Variants in ENOX2 observed in about 807,000 individuals in gnomAD.
ENOX2 encodes the protein ecto-NOX disulfide-thiol exchanger 2, also known as APK1 antigen.
In ENOX2, 36 loss-of-function variants were observed where a neutral mutation model predicts 45.0. That is an observed-to-expected ratio of 0.80 (90% CI 0.61 to 1.06). The LOEUF is 1.06. Ranked by LOEUF, ENOX2 falls within the 50% of genes least tolerant of loss-of-function variation. The pLI is 0.00. For synonymous variants in ENOX2, 174 were observed against 152.3 expected, an observed-to-expected ratio of 1.14 and a Z score of -1.05; for missense variants, 423 against 462.5, an observed-to-expected ratio of 0.91 and a Z score of 0.78.
intron 3 of ENOX2, among the ~76,000 whole-genome samples, chrX:130,722,276 C>T (rs1427205997): frequency 5.4e-5 from 6 of 111,785 alleles, no homozygotes. Flanking sequence ...CCTTGCTTCC[C>T]CAGGGGCAGC....
At chrX:130,701,306 TG>T (rs770563754) in intron 4 of ENOX2, among the ~76,000 whole-genome samples, 2 of 110,585 alleles carry the variant, frequency 1.8e-5, no homozygotes, top group African/African-American at 6.6e-5. Flanking sequence ...ATAAGTGTTG[TG>T]ACTCAGGGAC....
chrX:130,646,093 G>A, intron 10 of ENOX2: 1 of 542,403 alleles, frequency 1.8e-6, no homozygotes, highest in Non-Finnish European at 3.4e-6. Flanking sequence ...CCAAATGGCT[G>A]CTGAGTACTG....
chrX:130,876,066 T>C (rs971742020), intron 2 of ENOX2, among the ~76,000 whole-genome samples: 4 of 111,595 alleles, frequency 3.6e-5, no homozygotes, highest in Non-Finnish European at 7.5e-5. Flanking sequence ...AGGTTAAACA[T>C]AGAGTTACCA....
rs141672813 is a variant in ENOX2, at chrX:130,902,032, G to A, written c.-230-301C>T. Among the ~76,000 whole-genome samples, 1,021 of 111,103 alleles carry A rather than the reference G, an allele frequency of 9.2e-3. 12 individuals are homozygous for A. Among genetic ancestry groups the A allele is most frequent in the African/African-American group, 0.031 (960 of 30,509 alleles). ...ATCCCCTGTACTCTGCTGGAGCCCA[G>A]ATTAAAATTCACCTCCTTCACAAAG... On this transcript the variant is annotated intron_variant, in intron 1 of 14. Transcript: ENST00000394363.
intron 1 of ENOX2, among the ~76,000 whole-genome samples, chrX:130,902,044 C>T (rs2079150737): frequency 9.0e-6 from 1 of 111,273 alleles, no homozygotes; most frequent in Non-Finnish European, 1.9e-5. Flanking sequence ...TTAAAATTCA[C>T]CTCCTTCACA....
chrX:130,628,414 G>A (rs893784268), intron 13 of ENOX2, among the ~76,000 whole-genome samples: 1 of 112,347 alleles, frequency 8.9e-6, no homozygotes, highest in African/African-American at 3.2e-5. Flanking sequence ...GCTAAACACT[G>A]TCTGAATTCA....
intron 3 of ENOX2, among the ~76,000 whole-genome samples, chrX:130,779,829 C>CAT (rs200333370): frequency 6.3e-4 from 69 of 110,113 alleles, no homozygotes; most frequent in African/African-American, 8.2e-4. Flanking sequence ...AAAGCTAAGG[C>CAT]ATATATATAT....
At chrX:130,689,634 C>T (rs779343050) in intron 4 of ENOX2, among the ~76,000 whole-genome samples, 2 of 111,862 alleles carry the variant, frequency 1.8e-5, no homozygotes, top group Non-Finnish European at 3.8e-5. Flanking sequence ...TTTGGGCCTC[C>T]GCAAATTCTC....
chrX:130,653,554 C>G (rs1011708237), intron 10 of ENOX2, among the ~76,000 whole-genome samples: 17 of 111,468 alleles, frequency 1.5e-4, no homozygotes, highest in African/African-American at 5.2e-4. Flanking sequence ...TTCCTATCAT[C>G]TAAATCTGTT....
chrX:130,831,689 C>T (rs2077833017), intron 2 of ENOX2, among the ~76,000 whole-genome samples: 2 of 111,894 alleles, frequency 1.8e-5, no homozygotes, highest in African/African-American at 6.5e-5. Context: ...TATTTTTACT[C>T]ATCCATAGCT....
chrX:130,822,092 G>T (rs1157587086), intron 2 of ENOX2, among the ~76,000 whole-genome samples: 1 of 98,904 alleles, frequency 1.0e-5, no homozygotes, highest in African/African-American at 3.7e-5. Flanking sequence ...AAAAAAAAAA[G>T]AGAGAGAATA....
chrX:130,759,246 G>C, intron 3 of ENOX2, among the ~76,000 whole-genome samples: 1 of 110,921 alleles, frequency 9.0e-6, no homozygotes, highest in Non-Finnish European at 1.9e-5. Flanking sequence ...GGTTTAGATT[G>C]AGGTTCATTA....
At chrX:130,795,776 G>C (rs2077114168) in intron 2 of ENOX2, among the ~76,000 whole-genome samples, 1 of 111,508 alleles carries the variant, frequency 9.0e-6, no homozygotes, top group East Asian at 2.8e-4. Context: ...TCATGTCTAT[G>C]TGCTTCTGCA....
intron 2 of ENOX2, among the ~76,000 whole-genome samples, chrX:130,818,969 A>G (rs1389232777): frequency 8.9e-6 from 1 of 112,222 alleles, no homozygotes; most frequent in African/African-American, 3.2e-5. Context: ...TTTGCAATCT[A>G]TCCATCTGAC....
chrX:130,637,270 G>C lies in ENOX2; in HGVS notation c.1270C>G (p.Gln424Glu). 1 of 1,211,325 alleles carries C rather than the reference G, an allele frequency of 8.3e-7. No homozygotes were observed. Among genetic ancestry groups the C allele is most frequent in the Non-Finnish European group, 1.1e-6 (1 of 895,245 alleles). The change falls in exon 11 of 15, where the codon CAG becomes GAG. Residue 424 changes from glutamine (Q) to glutamate (E), a missense_variant. Transcript: ENST00000394363. ...HREDDPNKEQ[Q>E]LKLLQQALQG... ...AGGGCTTGTTGCAGGAGTTTCAGCT[G>C]CTGTTCTTTGTTAGGGTCATCTTCT...
chrX:130,766,968 G>A (rs947896071), intron 3 of ENOX2, among the ~76,000 whole-genome samples: 3 of 111,627 alleles, frequency 2.7e-5, no homozygotes, highest in East Asian at 5.6e-4. Flanking sequence ...GCTCTAAGCC[G>A]AAGTTTCCAG....
chrX:130,863,733 T>C (rs1408873190), intron 2 of ENOX2, among the ~76,000 whole-genome samples: 1 of 112,449 alleles, frequency 8.9e-6, no homozygotes, highest in Non-Finnish European at 1.9e-5. Flanking sequence ...TAAAATGTAA[T>C]AGAAGTAAAG....
intron 6 of ENOX2, among the ~76,000 whole-genome samples, chrX:130,671,897 A>G (rs1261607169): frequency 1.8e-5 from 2 of 112,364 alleles, no homozygotes; most frequent in South Asian, 3.7e-4. Context: ...AAAATATGCC[A>G]CCAAATAAGG....
At position 130,635,035 on chromosome X, in the gene ENOX2, G is replaced by T. The variant is rs1414655341; in HGVS notation, c.1368C>A (p.Leu456=). 1 of 1,199,229 alleles carries T rather than the reference G, an allele frequency of 8.3e-7. No individual in the cohort carries two copies. The highest frequency in any genetic ancestry group is 1.1e-6 in the Non-Finnish European group (1 of 885,703). ...YKKKEAELEK[L]KDDKLQVEKM... is the part of the protein sequence containing the mutation. ...TTTCCACCTGTAACTTGTCATCTTT[G>T]AGTTTTTCAAGTTCAGCTTCTTTCT... The change falls in exon 12 of 15, where the codon CTC becomes CTA. Residue 456 remains leucine (L), a synonymous_variant. Transcript: ENST00000394363.
Sources: gnomAD v4.1 joint callset for allele counts (sites outside exome capture counted in the v4.1 genomes callset) on GRCh38, gnomAD v4.1.1 for gene constraint, MANE v1.5 for transcripts, NCBI Gene and HGNC (gene_info 2026-07-23, HGNC 2026-07-21) for gene names.